Variants in KIF1A observed in about 807,000 individuals in gnomAD.
KIF1A encodes kinesin-like protein KIF1A.
KIF1A carries 46 observed loss-of-function variants against 227.3 expected under a neutral mutation model. The observed-to-expected ratio is 0.20, with a 90% confidence interval of 0.16 to 0.26. KIF1A has a LOEUF of 0.26. Ranked by LOEUF, KIF1A falls within the 10% of genes least tolerant of loss-of-function variation. KIF1A has a pLI of 1.00. For synonymous variants in KIF1A, 1,022 were observed against 1,012.8 expected, an observed-to-expected ratio of 1.01 and a Z score of -0.17; for missense variants, 1,683 against 2,485.9, an observed-to-expected ratio of 0.68 and a Z score of 6.87.
chr2:240,779,453 T>TAGTTCCACACTC (rs1350507874), intron 10 of KIF1A, among the ~76,000 whole-genome samples: 1 of 102,790 alleles, frequency 9.7e-6, no homozygotes, highest in African/African-American at 4.1e-5. Context: ...CAGCTCCTCA[T>TAGTTCCACACTC]AGTTCCACAC....
In KIF1A at chr2:240,757,167, G is replaced by A. The variant is rs762544411; in HGVS notation, c.2858+152C>T. ...AAGGATGCAGGGCCCGGGGGCCCTC[G>A]GGTGCTCTCCTCAGGAGGCCAGCCC... On this transcript the variant is annotated intron_variant, in intron 27 of 48. Transcript: ENST00000498729. The surrounding 1 kb of genome is among the most constrained non-coding windows in gnomAD (Gnocchi z 6.2). Among the ~76,000 whole-genome samples, 130 of 152,284 alleles carry A rather than the reference G, an allele frequency of 8.5e-4. 1 individual carries two copies. The highest frequency in any genetic ancestry group is 3.4e-3 in the Middle Eastern group (1 of 294).
At position 240,788,580 on chromosome 2, in the gene KIF1A, G is replaced by A. The variant is rs747252345; in HGVS notation, c.184-350C>T. On this transcript the variant is annotated intron_variant, in intron 3 of 48. Transcript: ENST00000498729. The surrounding 1 kb of genome is among the most constrained non-coding windows in gnomAD (Gnocchi z 6.6). ...CAAGAGCTGAGACTGGGGACAGGGTGCAAAGGCCCAGAGACCCCACAGGCT... is the reference window on the plus strand; with the variant it reads ...CAAGAGCTGAGACTGGGGACAGGGTACAAAGGCCCAGAGACCCCACAGGCT... Among the ~76,000 whole-genome samples, 21 of 152,118 alleles carry A rather than the reference G, an allele frequency of 1.4e-4. No individual in the cohort carries two copies. Among genetic ancestry groups the A allele is most frequent in the Non-Finnish European group, 2.6e-4 (18 of 68,022 alleles).
chr2:240,757,484 G>C lies in KIF1A; in HGVS notation c.2693C>G (p.Thr898Ser). 6.4e-7 allele frequency: 1 copy of C among 1,550,538 alleles called. No individual in the cohort carries two copies. The highest frequency in any genetic ancestry group is 8.7e-7 in the Non-Finnish European group (1 of 1,146,998). Reference protein sequence around the residue: ...PTFSSPDSDATEPAEEQSVGE... With the variant: ...PTFSSPDSDASEPAEEQSVGE... ...CACGCTCTGCTCCTCGGCAGGCTCGGTGGCGTCGGAGTCGGGGCTCGAGAA... is the reference window on the plus strand; with the variant it reads ...CACGCTCTGCTCCTCGGCAGGCTCGCTGGCGTCGGAGTCGGGGCTCGAGAA... The change falls in exon 27 of 49, where the codon ACC becomes AGC. Residue 898 changes from threonine (T) to serine (S), a missense_variant. By Grantham distance (58) the Thr-to-Ser change is moderately conservative (BLOSUM62 1). Coordinates refer to ENST00000498729, the MANE Select transcript of KIF1A (RefSeq NM_001244008.2). This position sits in a 1 kb window ranked among gnomAD's most constrained non-coding sequence, Gnocchi z 6.2.
rs191950995 is a variant in KIF1A at position 240,734,065 on chromosome 2, T to A, written c.4007+2998A>T. Among the ~76,000 whole-genome samples, 110 of 152,144 alleles carry A rather than the reference T, an allele frequency of 7.2e-4. No homozygotes were observed. The Middle Eastern group carries it at 0.014, about 19-fold the overall frequency. ...AGTCTGGGACTCTATGGTCTCTTCA[T>A]GAATTCACCACCCGCCACTTCCACA... On this transcript the variant is annotated intron_variant, in intron 38 of 48. Coordinates refer to ENST00000498729, the MANE Select transcript of KIF1A (RefSeq NM_001244008.2).
intron 25 of KIF1A, among the ~76,000 whole-genome samples, chr2:240,759,464 TG>T (rs1428285974): frequency 1.4e-4 from 21 of 152,198 alleles, no homozygotes; most frequent in Admixed American, 8.5e-4. Context: ...GACAGCCCTA[TG>T]CCCCAGAGCC....
chr2:240,779,796 C>T (rs985662860), intron 10 of KIF1A, among the ~76,000 whole-genome samples: 5 of 152,236 alleles, frequency 3.3e-5, no homozygotes, highest in East Asian at 1.9e-4. Flanking sequence ...CTGGCTGACA[C>T]GCTTCCTCGC....
rs1421056829 is a variant in KIF1A at position 240,739,425 on chromosome 2, T to C, written c.3901+633A>G. ...TGGGAGGAATTGTGTCCCCGAAAAA[T>C]ATACGTGGAAGTCCTAACCTCCAGG... On this transcript the variant is annotated intron_variant, in intron 37 of 48. Coordinates refer to ENST00000498729, the MANE Select transcript of KIF1A (RefSeq NM_001244008.2). This position sits in a 1 kb window ranked among gnomAD's most constrained non-coding sequence, Gnocchi z 5.6. 2.6e-5 allele frequency among the ~76,000 whole-genome samples: 4 copies of C among 152,032 alleles called. No individual in the cohort carries two copies. The highest frequency in any genetic ancestry group is 9.7e-5 in the African/African-American group (4 of 41,366).
rs916331668 is a variant in KIF1A at position 240,775,465 on chromosome 2, C to G, written c.958+386G>C. Reference sequence around the variant, plus strand: ...CGGAGAAGAGGAGGTTTATGGCAGCCCCTCAAAATCCAGCAAGCAGAGCTC... The same window carrying G: ...CGGAGAAGAGGAGGTTTATGGCAGCGCCTCAAAATCCAGCAAGCAGAGCTC... On this transcript the variant is annotated intron_variant, in intron 11 of 48. Transcript: ENST00000498729. The surrounding 1 kb of genome is among the most constrained non-coding windows in gnomAD (Gnocchi z 5.5). 6.6e-6 allele frequency among the ~76,000 whole-genome samples: 1 copy of G among 152,176 alleles called. No homozygotes were observed. The highest frequency in any genetic ancestry group is 1.5e-5 in the Non-Finnish European group (1 of 68,040).
At chr2:240,782,389 G>T (rs947538420) in intron 10 of KIF1A, among the ~76,000 whole-genome samples, 1 of 151,982 alleles carries the variant, frequency 6.6e-6, no homozygotes, top group East Asian at 1.9e-4. Context: ...AGGCCGCCCC[G>T]GACGCCCTCC....
At chr2:240,718,375 A>G (rs1490287651) in intron 47 of KIF1A, among the ~76,000 whole-genome samples, 1 of 151,956 alleles carries the variant, frequency 6.6e-6, no homozygotes, top group Non-Finnish European at 1.5e-5. Flanking sequence ...GTCCCAGGAC[A>G]CCCTCACCAC....
intron 27 of KIF1A, among the ~76,000 whole-genome samples, chr2:240,755,037 G>A (rs1357965833): frequency 6.6e-6 from 1 of 152,138 alleles, no homozygotes; most frequent in Non-Finnish European, 1.5e-5. Context: ...TGCAGCTCCT[G>A]TGCCCACCCA....
In KIF1A at chr2:240,778,074, G is replaced by A. The variant is rs1379690271; in HGVS notation, c.883-2148C>T. Among the ~76,000 whole-genome samples the A allele has an allele frequency of 6.6e-6, 1 of 151,866 alleles. No individual in the cohort carries two copies. Among genetic ancestry groups the A allele is most frequent in the Non-Finnish European group, 1.5e-5 (1 of 67,936 alleles). ...TTCCTCAGCTCCTCCCGCTCCCCAC[G>A]CACTTCCTCGCGTTTCTCCACACGG... is the stretch of plus-strand genomic sequence containing the variant. On this transcript the variant is annotated intron_variant, in intron 10 of 48. Transcript: ENST00000498729. This position sits in a 1 kb window ranked among gnomAD's most constrained non-coding sequence, Gnocchi z 7.2.
chr2:240,729,273 G>C (rs1409568904), intron 38 of KIF1A, among the ~76,000 whole-genome samples: 1 of 140,828 alleles, frequency 7.1e-6, no homozygotes, highest in Non-Finnish European at 1.5e-5. Context: ...AGTCCCTAAA[G>C]GGCCTCAGCT....
In KIF1A at chr2:240,716,850, G is replaced by C. The variant is rs2044637545; in HGVS notation, c.*514C>G. ...CTCCTCACTGCGGCCTTCCAAGGTGGCTGTCCCTGCCCTGCCTGTCCCTAG... is the reference window on the plus strand; with the variant it reads ...CTCCTCACTGCGGCCTTCCAAGGTGCCTGTCCCTGCCCTGCCTGTCCCTAG... On this transcript the variant is annotated 3_prime_UTR_variant, in exon 49 of 49. Coordinates refer to ENST00000498729, the MANE Select transcript of KIF1A (RefSeq NM_001244008.2). 1 of 153,202 alleles carries C rather than the reference G, an allele frequency of 6.5e-6. No individual in the cohort carries two copies. The highest frequency in any genetic ancestry group is 1.5e-5 in the Non-Finnish European group (1 of 68,640). The allele number at this position is 153,202 out of a possible 1,614,324, so 9.5% of individuals were successfully genotyped here.
At chr2:240,765,614 G>T in intron 20 of KIF1A, 96 bp downstream of exon 20, 2 of 988,022 alleles carry the variant, frequency 2.0e-6, no homozygotes, top group Non-Finnish European at 3.1e-6. Context: ...CTGCCATCCC[G>T]CACAGTGCAC....
rs1379414957 is a variant in KIF1A at position 240,783,690 on chromosome 2, A to T, written c.798+49T>A. 3.4e-6 allele frequency: 5 copies of T among 1,451,514 alleles called. No homozygotes were observed. The African/African-American group carries it at 7.0e-5, about 20-fold the overall frequency. The allele number at this position is 1,451,514 out of a possible 1,614,324, so 89.9% of individuals were successfully genotyped here. ...AGAGCCCTCCTGCCACCCACTCTGG[A>T]GCAGGCCAAATGTGGACACGGGTCC... On this transcript the variant is annotated intron_variant, in intron 8 of 48. Coordinates refer to ENST00000498729, the MANE Select transcript of KIF1A (RefSeq NM_001244008.2).
chr2:240,773,052 G>A, intron 13 of KIF1A, 62 bp downstream of exon 13: 1 of 1,504,378 alleles, frequency 6.6e-7, no homozygotes. Flanking sequence ...GTGATGACCT[G>A]CGAGGCCCCT....
At chr2:240,754,161 A>C (rs958713137) in intron 27 of KIF1A, among the ~76,000 whole-genome samples, 6 of 152,150 alleles carry the variant, frequency 3.9e-5, no homozygotes, top group Non-Finnish European at 8.8e-5. Context: ...CTGTGCCCCA[A>C]AGGTGGGGAC....
chr2:240,767,352 G>A lies in KIF1A; in HGVS notation c.1498-7C>T, dbSNP rs767334570. 6.2e-7 allele frequency: 1 copy of A among 1,610,784 alleles called. No homozygotes were observed. Among genetic ancestry groups the A allele is most frequent in the Non-Finnish European group, 8.5e-7 (1 of 1,177,406 alleles). On this transcript the variant is annotated splice_region_variant and splice_polypyrimidine_tract_variant and intron_variant, in intron 17 of 48. Coordinates refer to ENST00000498729, the MANE Select transcript of KIF1A (RefSeq NM_001244008.2). ...GGTTGACGAGGTGTGGTGTCTGCAG[G>A]GAGACAGGAGGATCATCTCTCTTGC...
Sources: allele counts gnomAD v4.1 joint callset (sites outside exome capture counted in the v4.1 genomes callset), GRCh38; gene constraint gnomAD v4.1.1; non-coding constraint Gnocchi (gnomAD v3.1); transcripts MANE v1.5; gene names NCBI Gene and HGNC (gene_info 2026-07-23, HGNC 2026-07-21).